Variants in PVT1 observed in about 807,000 individuals in gnomAD.
PVT1 encodes the protein Pvt1 oncogene.
chr8:127,809,828 C>T (rs1814571407), intron 2 of PVT1, among the ~76,000 whole-genome samples: 1 of 152,200 alleles, frequency 6.6e-6, no homozygotes, highest in Non-Finnish European at 1.5e-5. Flanking sequence ...CCCACTGGGC[C>T]AGCAGCAGCA....
At chr8:127,908,347 T>TC (rs1815848824) in intron 3 of PVT1, among the ~76,000 whole-genome samples, 1 of 137,282 alleles carries the variant, frequency 7.3e-6, no homozygotes. Context: ...TTTCTTTCTT[T>TC]CTTTTTTTTT....
intron 3 of PVT1, among the ~76,000 whole-genome samples, chr8:127,930,365 G>A (rs948466572): frequency 2.0e-5 from 3 of 152,158 alleles, no homozygotes; most frequent in African/African-American, 7.2e-5. Context: ...TGCCATGTTG[G>A]CCAGGCTGGT....
chr8:127,952,904 A>G (rs1299011846), intron 3 of PVT1, among the ~76,000 whole-genome samples: 1 of 152,114 alleles, frequency 6.6e-6, no homozygotes, highest in Non-Finnish European at 1.5e-5. Context: ...AGCTGGGACT[A>G]CAGGCGCCCG....
At chr8:127,834,622 A>C (rs550341800) in intron 2 of PVT1, among the ~76,000 whole-genome samples, 1 of 152,340 alleles carries the variant, frequency 6.6e-6, no homozygotes, top group South Asian at 2.1e-4. Context: ...CTACTATCAG[A>C]GTCAACAAGG....
intron 4 of PVT1, among the ~76,000 whole-genome samples, chr8:128,021,452 C>G (rs1197987647): frequency 6.6e-6 from 1 of 152,012 alleles, no homozygotes; most frequent in Non-Finnish European, 1.5e-5. Flanking sequence ...CGCCACCATG[C>G]CCGGTTAATT....
intron 5 of PVT1, among the ~76,000 whole-genome samples, chr8:128,075,704 A>G (rs930095402): frequency 1.3e-5 from 2 of 152,210 alleles, no homozygotes; most frequent in Admixed American, 1.3e-4. Flanking sequence ...AGTATTTTGC[A>G]GTTTACCCCT....
At chr8:127,961,978 A>C (rs946422909) in intron 3 of PVT1, among the ~76,000 whole-genome samples, 1 of 152,214 alleles carries the variant, frequency 6.6e-6, no homozygotes, top group African/African-American at 2.4e-5. Context: ...TAATGAATGT[A>C]GAATTTTTTT....
intron 3 of PVT1, among the ~76,000 whole-genome samples, chr8:127,917,390 G>C (rs1815999232): frequency 6.6e-6 from 1 of 152,226 alleles, no homozygotes. Flanking sequence ...ATTCAGAAAG[G>C]TGCAGGCTGC....
chr8:127,888,036 G>T (rs999413122), intron 2 of PVT1, among the ~76,000 whole-genome samples: 1 of 145,036 alleles, frequency 6.9e-6, no homozygotes, highest in Non-Finnish European at 1.5e-5. Context: ...GGCCTCCTGG[G>T]TTCAAGCCAT....
chr8:127,907,997 T>A (rs539930605), intron 3 of PVT1, among the ~76,000 whole-genome samples: 163 of 152,218 alleles, frequency 1.1e-3, no homozygotes, highest in Non-Finnish European at 1.9e-3. Flanking sequence ...CTGCCTGGAG[T>A]TGGGTTCCTA....
intron 5 of PVT1, among the ~76,000 whole-genome samples, chr8:128,075,958 C>T (rs1334400596): frequency 6.6e-6 from 1 of 152,226 alleles, no homozygotes; most frequent in African/African-American, 2.4e-5. Flanking sequence ...AAATCAGCCA[C>T]TTGCCTTAGA....
chr8:127,952,963 A>G (rs1243880071), intron 3 of PVT1, among the ~76,000 whole-genome samples: 2 of 152,036 alleles, frequency 1.3e-5, no homozygotes, highest in African/African-American at 4.8e-5. Context: ...ACGGGGTTTC[A>G]CCATGTTGGC....
intron 4 of PVT1, among the ~76,000 whole-genome samples, chr8:128,050,047 GC>G (rs1316925900): frequency 6.6e-6 from 1 of 152,022 alleles, no homozygotes; most frequent in African/African-American, 2.4e-5. Flanking sequence ...GGAGACACGT[GC>G]TCTGGGCTCT....
intron 3 of PVT1, among the ~76,000 whole-genome samples, chr8:127,921,073 C>G (rs923254473): frequency 2.0e-5 from 3 of 152,146 alleles, no homozygotes; most frequent in African/African-American, 7.2e-5. Context: ...AACTGAGGAA[C>G]AGGGGTTTTT....
intron 5 of PVT1, among the ~76,000 whole-genome samples, chr8:128,096,344 T>C (rs1814428695): frequency 6.6e-6 from 1 of 152,214 alleles, no homozygotes; most frequent in South Asian, 2.1e-4. Context: ...GAGGCCTTGG[T>C]ATCTAGAATG....
chr8:127,928,867 G>A (rs1324504350), intron 3 of PVT1, among the ~76,000 whole-genome samples: 2 of 152,222 alleles, frequency 1.3e-5, no homozygotes, highest in Non-Finnish European at 2.9e-5. Flanking sequence ...GGGCCACTCA[G>A]TTCCTGGAAG....
intron 3 of PVT1, among the ~76,000 whole-genome samples, chr8:127,951,093 T>TCAC (rs1440174618): frequency 1.3e-5 from 2 of 152,180 alleles, no homozygotes; most frequent in South Asian, 4.1e-4. Flanking sequence ...AGATGGGGTT[T>TCAC]CACCATGTTG....
At chr8:128,091,847 C>CA (rs1814358574) in intron 5 of PVT1, among the ~76,000 whole-genome samples, 1 of 152,234 alleles carries the variant, frequency 6.6e-6, no homozygotes, top group African/African-American at 2.4e-5. Context: ...GCATCATTAG[C>CA]AGTCATAGGA....
chr8:127,877,577 C>T (rs1815419820), intron 2 of PVT1, among the ~76,000 whole-genome samples: 1 of 152,180 alleles, frequency 6.6e-6, no homozygotes, highest in Non-Finnish European at 1.5e-5. Flanking sequence ...CCACACCGCA[C>T]ATCTACTACT....
Sources: gnomAD v4.1 joint callset for allele counts (sites outside exome capture counted in the v4.1 genomes callset) on GRCh38, gnomAD v4.1.1 for gene constraint, MANE v1.5 for transcripts, NCBI Gene and HGNC (gene_info 2026-07-23, HGNC 2026-07-21) for gene names.